Variants in BBS9 observed in about 807,000 individuals in gnomAD.
BBS9 encodes protein PTHB1.
Under a neutral mutation model 117.7 loss-of-function variants are expected in BBS9, and 89 were observed. That is an observed-to-expected ratio of 0.76 (90% CI 0.64 to 0.90). BBS9 has a LOEUF of 0.90. BBS9 is among the 40% of genes least tolerant of loss of function. The pLI is 0.00. For missense variants in BBS9, 982 were observed against 1,042.2 expected (o/e 0.94, Z 0.80); for synonymous variants, 379 against 370.9 (o/e 1.02, Z -0.25).
At chr7:33,191,300 ATTTGAATTT>A (rs1784077386) in intron 5 of BBS9, among the ~76,000 whole-genome samples, 1 of 152,200 alleles carries the variant, frequency 6.6e-6, no homozygotes, top group Non-Finnish European at 1.5e-5. Flanking sequence ...TGATATAAAA[ATTTGAATTT>A]GGTATCCGTG....
intron 5 of BBS9, among the ~76,000 whole-genome samples, chr7:33,249,037 G>A (rs912723792): frequency 6.6e-6 from 1 of 152,148 alleles, no homozygotes; most frequent in African/African-American, 2.4e-5. Context: ...AGCATGCTGA[G>A]TAATGGTAGT....
intron 5 of BBS9, among the ~76,000 whole-genome samples, chr7:33,242,528 A>C (rs1270420250): frequency 6.6e-6 from 1 of 151,746 alleles, no homozygotes; most frequent in Non-Finnish European, 1.5e-5. Flanking sequence ...TTAGCTTCTA[A>C]ATTTTATTTA....
chr7:33,336,437 G>A lies in BBS9; in HGVS notation c.1017-4G>A. ...TATGTCTCATTTTCTCTTCCTTATT[G>A]TAGTGATTTAAAGGGAGTGATAGTC... On this transcript the variant is annotated splice_polypyrimidine_tract_variant and splice_region_variant and intron_variant, in intron 9 of 22. Transcript: ENST00000242067. The A allele has an allele frequency of 2.5e-6, 4 of 1,611,562 alleles. No homozygotes were observed. Among genetic ancestry groups the A allele is most frequent in the South Asian group, 1.1e-5 (1 of 90,914 alleles).
At chr7:33,525,631 C>A (rs1849365310) in intron 20 of BBS9, among the ~76,000 whole-genome samples, 1 of 130,830 alleles carries the variant, frequency 7.6e-6, no homozygotes. Flanking sequence ...TTATTTTGAG[C>A]CTATGTGTGT....
chr7:33,162,151 A>G (rs1027510394), intron 4 of BBS9, among the ~76,000 whole-genome samples: 3 of 152,052 alleles, frequency 2.0e-5, no homozygotes, highest in Admixed American at 6.6e-5. Flanking sequence ...GATATTGCCT[A>G]GGTTTTCTTC....
chr7:33,547,058 G>A (rs900975008), intron 21 of BBS9, among the ~76,000 whole-genome samples: 2 of 151,986 alleles, frequency 1.3e-5, no homozygotes, highest in Non-Finnish European at 2.9e-5. Flanking sequence ...TAGACTCGTG[G>A]GAAGATGCAA....
chr7:33,571,088 G>T (rs1041784512), intron 21 of BBS9, among the ~76,000 whole-genome samples: 1 of 152,104 alleles, frequency 6.6e-6, no homozygotes, highest in Non-Finnish European at 1.5e-5. Flanking sequence ...TAATTTTACT[G>T]TGGTTATATA....
At chr7:33,172,532 T>G (rs1280386645) in intron 4 of BBS9, among the ~76,000 whole-genome samples, 2 of 152,248 alleles carry the variant, frequency 1.3e-5, no homozygotes. Flanking sequence ...CTGATAATTT[T>G]GAAGCTATTC....
intron 9 of BBS9, among the ~76,000 whole-genome samples, chr7:33,277,474 A>G (rs1449065007): frequency 6.6e-6 from 1 of 152,242 alleles, no homozygotes; most frequent in Non-Finnish European, 1.5e-5. Flanking sequence ...AACCCCAGAC[A>G]GGTTCTTTCT....
At chr7:33,491,644 C>G (rs868184299) in intron 19 of BBS9, among the ~76,000 whole-genome samples, 1 of 152,286 alleles carries the variant, frequency 6.6e-6, no homozygotes, top group Non-Finnish European at 1.5e-5. Context: ...CCTGTCTTCA[C>G]AGAGCTTACA....
At chr7:33,481,172 A>G (rs1370928761) in intron 19 of BBS9, among the ~76,000 whole-genome samples, 5 of 152,186 alleles carry the variant, frequency 3.3e-5, no homozygotes, top group African/African-American at 1.2e-4. Flanking sequence ...ACAAGGAGAT[A>G]GGAAGGACTT....
chr7:33,233,597 C>T (rs543093062), intron 5 of BBS9, among the ~76,000 whole-genome samples: 4 of 152,100 alleles, frequency 2.6e-5, no homozygotes, highest in Non-Finnish European at 4.4e-5. Context: ...CTACTGGTAT[C>T]GTATAACTGG....
chr7:33,390,159 A>G (rs1584620790), intron 19 of BBS9: 1 of 658,432 alleles, frequency 1.5e-6, no homozygotes, highest in South Asian at 6.9e-5. Context: ...TCTGGGGTCT[A>G]CCGTCATCCC....
intron 10 of BBS9, among the ~76,000 whole-genome samples, chr7:33,337,491 T>G (rs559737039): frequency 1.2e-4 from 18 of 152,246 alleles, no homozygotes; most frequent in African/African-American, 4.1e-4. Context: ...TTTGAGTCTA[T>G]GTTACCAACA....
At chr7:33,566,534 G>A (rs1856954763) in intron 21 of BBS9, among the ~76,000 whole-genome samples, 1 of 151,998 alleles carries the variant, frequency 6.6e-6, no homozygotes, top group African/African-American at 2.4e-5. Context: ...AATTTAAAGA[G>A]GAGTTGCTCT....
chr7:33,139,290 A>G lies in BBS9; in HGVS notation c.-11-6952A>G, dbSNP rs554332826. On this transcript the variant is annotated intron_variant, in intron 1 of 22. Transcript: ENST00000242067. ...AAAAAACAAAACAAAACAAAAAAAC[A>G]AGTTAATGAGAAATGAATGTCTTCT... Among the ~76,000 whole-genome samples the G allele has an allele frequency of 1.4e-4, 21 of 151,344 alleles. 1 individual carries two copies. In the South Asian group the frequency reaches 4.4e-3, roughly 32 times the overall value.
intron 4 of BBS9, among the ~76,000 whole-genome samples, chr7:33,173,805 G>C (rs565024119): frequency 7.9e-5 from 12 of 152,268 alleles, no homozygotes; most frequent in African/African-American, 2.6e-4. Flanking sequence ...AAGTTACTCA[G>C]TTCTTCAGAA....
At chr7:33,317,285 G>A (rs1810715827) in intron 9 of BBS9, among the ~76,000 whole-genome samples, 1 of 151,900 alleles carries the variant, frequency 6.6e-6, no homozygotes. Context: ...GTTCACTCGT[G>A]AAACCCCTCC....
intron 9 of BBS9, among the ~76,000 whole-genome samples, chr7:33,278,465 T>G (rs1228135831): frequency 1.3e-5 from 2 of 152,168 alleles, no homozygotes; most frequent in Non-Finnish European, 2.9e-5. Context: ...GAAATACAGA[T>G]TCACTAAATA....
Sources: allele counts gnomAD v4.1 joint callset (sites outside exome capture counted in the v4.1 genomes callset), GRCh38; gene constraint gnomAD v4.1.1; transcripts MANE v1.5; gene names NCBI Gene and HGNC (gene_info 2026-07-23, HGNC 2026-07-21).